FAM241A: variants seen among roughly 807,000 people sequenced by gnomAD.
FAM241A encodes uncharacterized protein FAM241A.
FAM241A carries 7 observed loss-of-function variants against 12.2 expected under a neutral mutation model. The ratio of observed to expected loss-of-function variants is 0.58; its 90% CI spans 0.33 to 1.08. The LOEUF is 1.08. Among genes scored for constraint, FAM241A ranks in the 50% least tolerant of loss-of-function variants. The pLI is 0.04. For synonymous variants in FAM241A, 74 were observed against 68.2 expected (o/e 1.08, Z -0.42); for missense variants, 161 against 169.7 (o/e 0.95, Z 0.29).
At chr4:112,150,539 A>G (rs12641054) in intron 1 of FAM241A, among the ~76,000 whole-genome samples, 4,507 of 152,310 alleles carry the variant, frequency 0.03, 181 homozygotes, top group East Asian at 0.16. Flanking sequence ...CTTTCAGAAC[A>G]ATGCTGGCTC....
chr4:112,182,038 A>G (rs1254982951), intron 1 of FAM241A, among the ~76,000 whole-genome samples: 2 of 152,216 alleles, frequency 1.3e-5, no homozygotes, highest in Non-Finnish European at 2.9e-5. Context: ...TTATAGCAGT[A>G]GATGGAATAG....
At chr4:112,167,123 A>AT (rs768622997) in intron 1 of FAM241A, among the ~76,000 whole-genome samples, 12,991 of 143,088 alleles carry the variant, frequency 0.091, 686 homozygotes, top group African/African-American at 0.14. Flanking sequence ...CAAAAAAAAA[A>AT]AAAATAAAAA....
At position 112,164,342 on chromosome 4, in the gene FAM241A, C is replaced by T. The variant is rs1009262225; in HGVS notation, c.153+18609C>T. Among the ~76,000 whole-genome samples the T allele has an allele frequency of 4.8e-5, 7 of 145,352 alleles. No homozygotes were observed. In the East Asian group the frequency reaches 1.3e-3, roughly 26 times the overall value. On this transcript the variant is annotated intron_variant, in intron 1 of 1. Transcript: ENST00000309733. ...GATATCATCATTCTGAGCAAACGAT[C>T]GCAAGGACAGAAAACCAAACACTGC...
chr4:112,159,678 A>G (rs1385596295), intron 1 of FAM241A, among the ~76,000 whole-genome samples: 1 of 152,250 alleles, frequency 6.6e-6, no homozygotes, highest in Non-Finnish European at 1.5e-5. Context: ...TAAAAACCAT[A>G]TGATCATTTC....
At chr4:112,184,088 T>A (rs1466835628) in intron 1 of FAM241A, among the ~76,000 whole-genome samples, 1 of 152,126 alleles carries the variant, frequency 6.6e-6, no homozygotes, top group Non-Finnish European at 1.5e-5. Flanking sequence ...AAACTGAAGT[T>A]CAGGAAAAGT....
chr4:112,194,900 A>G lies in FAM241A; in HGVS notation c.*7962A>G, dbSNP rs1384888317. 6.6e-6 allele frequency: 1 copy of G among 152,170 alleles called. No individual in the cohort carries two copies. The highest frequency in any genetic ancestry group is 2.4e-5 in the African/African-American group (1 of 41,422). 9.4% of individuals were successfully genotyped at this position (152,170 alleles called of 1,614,324 possible). On this transcript the variant is annotated 3_prime_UTR_variant, in exon 2 of 2. Transcript: ENST00000309733. ...GTTTAAGCAATTCTCCTGTCTCAGC[A>G]GGAGTGGTTGGGATTACAGGCACAT...
chr4:112,154,838 G>GC (rs1438911813), intron 1 of FAM241A, among the ~76,000 whole-genome samples: 7 of 151,988 alleles, frequency 4.6e-5, no homozygotes, highest in Non-Finnish European at 1.0e-4. Context: ...TTCGAGACCA[G>GC]CCTGGCCAAC....
At position 112,187,123 on chromosome 4, in the gene FAM241A, A is replaced by G; in HGVS notation, c.*185A>G. On this transcript the variant is annotated 3_prime_UTR_variant, in exon 2 of 2. Transcript: ENST00000309733. Reference sequence around the variant, plus strand: ...ACTCTTGATCATAACAGGGTTGAATATATATTTTGAATATACATTAGCTTA... The same window carrying G: ...ACTCTTGATCATAACAGGGTTGAATGTATATTTTGAATATACATTAGCTTA... The G allele has an allele frequency of 1.6e-6, 1 of 624,642 alleles. No homozygotes were observed. Among genetic ancestry groups the G allele is most frequent in the Non-Finnish European group, 2.7e-6 (1 of 366,204 alleles). The allele number at this position is 624,642 out of a possible 1,614,324, so 38.7% of individuals were successfully genotyped here. A position where few individuals can be genotyped will look rare whatever the true frequency, so the allele number is the denominator to read the frequency against.
intron 1 of FAM241A, among the ~76,000 whole-genome samples, chr4:112,170,171 C>A (rs1447004871): frequency 6.6e-6 from 1 of 152,134 alleles, no homozygotes; most frequent in Non-Finnish European, 1.5e-5. Flanking sequence ...ATAAAGGCAG[C>A]CTTTCCATGA....
At chr4:112,156,261 C>A (rs1408462802) in intron 1 of FAM241A, among the ~76,000 whole-genome samples, 1 of 152,086 alleles carries the variant, frequency 6.6e-6, no homozygotes, top group Non-Finnish European at 1.5e-5. Context: ...TGGAACTCTT[C>A]CCCCAGATCT....
rs546182937 is a variant in FAM241A at position 112,192,651 on chromosome 4, C to A, written c.*5713C>A. The stretch of plus-strand genomic sequence containing the variant: ...TGAGAATGATGATTTCCAATTTCAT[C>A]CATGTCCCTACAAAGGACATGAACT... On this transcript the variant is annotated 3_prime_UTR_variant, in exon 2 of 2. Coordinates refer to ENST00000309733, the MANE Select transcript of FAM241A (RefSeq NM_152400.3). The A allele has an allele frequency of 6.6e-6, 1 of 151,540 alleles. No homozygotes were observed. Among genetic ancestry groups the A allele is most frequent in the Non-Finnish European group, 1.5e-5 (1 of 67,958 alleles). 9.4% of individuals were successfully genotyped at this position (151,540 alleles called of 1,614,324 possible).
rs1318640671 is a variant in FAM241A at position 112,145,718 on chromosome 4, G to A, written c.138G>A (p.Pro46=). ...GASPRRRGQR[P]KESEQDVEDS... is the part of the protein sequence containing the mutation. ...GCCCGCGGCGGCGCGGACAGCGGCC[G>A]AAGGAGAGCGAGCAGGTGAGCGCGG... is the stretch of plus-strand genomic sequence containing the variant. The change falls in exon 1 of 2, where the codon CCG becomes CCA. Residue 46 remains proline (P), a synonymous_variant. Coordinates refer to ENST00000309733, the MANE Select transcript of FAM241A (RefSeq NM_152400.3). 3.4e-6 allele frequency: 4 copies of A among 1,191,192 alleles called. No individual in the cohort carries two copies. The highest frequency in any genetic ancestry group is 4.2e-5 in the South Asian group (1 of 24,014). The allele number at this position is 1,191,192 out of a possible 1,614,324, so 73.8% of individuals were successfully genotyped here. A position where few individuals can be genotyped will look rare whatever the true frequency, so the allele number is the denominator to read the frequency against.
intron 1 of FAM241A, among the ~76,000 whole-genome samples, chr4:112,159,836 A>C (rs1040231634): frequency 2.0e-5 from 3 of 152,178 alleles, no homozygotes; most frequent in African/African-American, 7.2e-5. Flanking sequence ...AATGGAGAAA[A>C]AATGAAAGTC....
chr4:112,148,121 A>G (rs1194848222), intron 1 of FAM241A, among the ~76,000 whole-genome samples: 2 of 151,926 alleles, frequency 1.3e-5, no homozygotes, highest in East Asian at 1.9e-4. Context: ...TTCTATTTCT[A>G]TTCCCCTCAC....
At chr4:112,166,167 C>T (rs1227802529) in intron 1 of FAM241A, among the ~76,000 whole-genome samples, 1 of 151,258 alleles carries the variant, frequency 6.6e-6, no homozygotes, top group Non-Finnish European at 1.5e-5. Context: ...CTGCCTCAGC[C>T]TCTCCCGAGT....
chr4:112,167,574 G>A (rs1039628493), intron 1 of FAM241A, among the ~76,000 whole-genome samples: 1 of 152,242 alleles, frequency 6.6e-6, no homozygotes, highest in Non-Finnish European at 1.5e-5. Context: ...GATCTGAAGA[G>A]TTGCCTGAGT....
At chr4:112,148,214 C>G (rs1033479028) in intron 1 of FAM241A, among the ~76,000 whole-genome samples, 4 of 152,094 alleles carry the variant, frequency 2.6e-5, no homozygotes, top group African/African-American at 9.7e-5. Flanking sequence ...ACATACATCC[C>G]TTCCTTCACT....
intron 1 of FAM241A, among the ~76,000 whole-genome samples, chr4:112,163,432 G>C (rs7696525): frequency 0.53 from 80,893 of 152,024 alleles, 22,403 homozygotes; most frequent in African/African-American, 0.7. Flanking sequence ...CTAATATACA[G>C]AATCTACAAA....
At chr4:112,180,204 G>C (rs1016236465) in intron 1 of FAM241A, among the ~76,000 whole-genome samples, 3 of 151,870 alleles carry the variant, frequency 2.0e-5, no homozygotes, top group Non-Finnish European at 4.4e-5. Context: ...GACTACTGGA[G>C]GGTGGAGGAA....
Sources: gnomAD v4.1 joint callset for allele counts (sites outside exome capture counted in the v4.1 genomes callset) on GRCh38, gnomAD v4.1.1 for gene constraint, MANE v1.5 for transcripts, NCBI Gene and HGNC (gene_info 2026-07-23, HGNC 2026-07-21) for gene names.